Variants in CCSER2 observed in about 807,000 individuals in gnomAD.
CCSER2 encodes coiled-coil serine rich protein 2.
In CCSER2, 46 loss-of-function variants were observed where a neutral mutation model predicts 92.3. The ratio of observed to expected loss-of-function variants is 0.50; its 90% CI spans 0.39 to 0.64. The LOEUF (loss-of-function observed/expected upper bound fraction) is 0.64, where lower values mean the gene tolerates loss of function less well. Ranked by LOEUF, CCSER2 falls within the 30% of genes least tolerant of loss-of-function variation. The pLI, the probability that CCSER2 is intolerant of heterozygous loss-of-function variation, is 0.00. For synonymous variants in CCSER2, 433 were observed against 431.4 expected, an observed-to-expected ratio of 1.00 and a Z score of -0.04; for missense variants, 1,244 against 1,238.9, an observed-to-expected ratio of 1.00 and a Z score of -0.06.
At chr10:84,463,560 A>G (rs1474871534) in intron 6 of CCSER2, among the ~76,000 whole-genome samples, 1 of 152,218 alleles carries the variant, frequency 6.6e-6, no homozygotes, top group Non-Finnish European at 1.5e-5. Flanking sequence ...CTTGGTACTC[A>G]AAACATGTCT....
intron 6 of CCSER2, among the ~76,000 whole-genome samples, chr10:84,445,370 A>G (rs1047058374): frequency 3.9e-5 from 6 of 152,026 alleles, no homozygotes; most frequent in African/African-American, 1.2e-4. Flanking sequence ...AGCCAGGATG[A>G]CCTCGATCTC....
intron 3 of CCSER2, among the ~76,000 whole-genome samples, chr10:84,412,992 T>C (rs2133370936): frequency 6.6e-6 from 1 of 152,298 alleles, no homozygotes; most frequent in African/African-American, 2.4e-5. Context: ...GTGGTGATAT[T>C]CCCCTTATCA....
rs143985533 is a variant in CCSER2, at chr10:84,459,725, T to C, written c.2065-4208T>C. 3.3e-4 allele frequency among the ~76,000 whole-genome samples: 50 copies of C among 152,228 alleles called. No homozygotes were observed. In the East Asian group the frequency reaches 8.3e-3, roughly 25 times the overall value. ...TTTTGGTAGAGACAGAGTTTTAGCATGCTGCCCAGAATGGTCTTGAACTCT... is the reference window on the plus strand; with the variant it reads ...TTTTGGTAGAGACAGAGTTTTAGCACGCTGCCCAGAATGGTCTTGAACTCT... On this transcript the variant is annotated intron_variant, in intron 6 of 9. Transcript: ENST00000372088.
chr10:84,391,092 A>C (rs1488561461), intron 3 of CCSER2: 14 of 780,498 alleles, frequency 1.8e-5, no homozygotes, highest in Non-Finnish European at 3.1e-5. Context: ...TAATGCCTCC[A>C]CTGACCCAGA....
At position 84,441,340 on chromosome 10, in the gene CCSER2, T is replaced by C. The variant is rs184509576; in HGVS notation, c.2064+2633T>C. Among the ~76,000 whole-genome samples the C allele has an allele frequency of 5.3e-5, 8 of 152,314 alleles. No individual in the cohort carries two copies. The East Asian group carries it at 1.5e-3, about 29-fold the overall frequency. ...TCATATTTTCAATTTCCAAGAACTTTTGTGTGTACTATTCCTTATTCATAT... is the reference window on the plus strand; with the variant it reads ...TCATATTTTCAATTTCCAAGAACTTCTGTGTGTACTATTCCTTATTCATAT... On this transcript the variant is annotated intron_variant, in intron 6 of 9. Transcript: ENST00000372088.
intron 5 of CCSER2, among the ~76,000 whole-genome samples, chr10:84,426,555 G>T (rs1008400406): frequency 2.0e-5 from 3 of 152,282 alleles, no homozygotes; most frequent in Admixed American, 6.5e-5. Context: ...GAGAATCAGG[G>T]ATAAAAGTGC....
At chr10:84,475,438 C>T (rs933862657) in intron 8 of CCSER2, among the ~76,000 whole-genome samples, 7 of 152,164 alleles carry the variant, frequency 4.6e-5, no homozygotes, top group Non-Finnish European at 7.4e-5. Flanking sequence ...TATTATTTTT[C>T]ATGTGTGAGC....
At chr10:84,347,210 T>C (rs1268876328) in intron 1 of CCSER2, among the ~76,000 whole-genome samples, 1 of 152,218 alleles carries the variant, frequency 6.6e-6, no homozygotes, top group Non-Finnish European at 1.5e-5. Flanking sequence ...CAATCTGATT[T>C]CTCTAACTTT....
intron 6 of CCSER2, among the ~76,000 whole-genome samples, chr10:84,463,588 G>C (rs1260381815): frequency 6.6e-6 from 1 of 152,128 alleles, no homozygotes; most frequent in Non-Finnish European, 1.5e-5. Context: ...AGCAGATTCA[G>C]TTGACCTTTG....
At chr10:84,339,998 C>T (rs1209740062) in intron 1 of CCSER2, among the ~76,000 whole-genome samples, 6 of 152,058 alleles carry the variant, frequency 3.9e-5, no homozygotes, top group African/African-American at 1.2e-4. Context: ...CATGCCACCA[C>T]GCCCGGCTAA....
intron 1 of CCSER2, among the ~76,000 whole-genome samples, chr10:84,365,747 G>A (rs1051355879): frequency 5.9e-5 from 9 of 152,142 alleles, no homozygotes; most frequent in Non-Finnish European, 1.2e-4. Context: ...GGAAAATAGA[G>A]GCATAGAGAA....
chr10:84,369,906 C>T (rs902399370), intron 1 of CCSER2, among the ~76,000 whole-genome samples: 27 of 151,970 alleles, frequency 1.8e-4, no homozygotes, highest in African/African-American at 5.6e-4. Context: ...TTGAATAAGG[C>T]GTTCTTTTCC....
chr10:84,484,498 T>TGTGTGC (rs1181601057), intron 9 of CCSER2, among the ~76,000 whole-genome samples: 1 of 134,618 alleles, frequency 7.4e-6, no homozygotes, highest in Non-Finnish European at 1.7e-5. Flanking sequence ...CACGTGTGTG[T>TGTGTGC]GTGTGTGTGT....
chr10:84,373,570 C>T (rs781715667), intron 2 of CCSER2, 49 bp from the exon 3 acceptor site: 116 of 1,407,276 alleles, frequency 8.2e-5, no homozygotes, highest in Non-Finnish European at 1.1e-4. Context: ...TTTTAGGACA[C>T]GAGAAACAAT....
Position 84,372,392 on chromosome 10 carries a change from A to G in CCSER2, c.1340A>G (p.Gln447Arg), listed in dbSNP as rs140960423. The G allele has an allele frequency of 9.1e-5, 146 of 1,608,040 alleles. No individual in the cohort carries two copies. The highest frequency in any genetic ancestry group is 1.2e-4 in the Non-Finnish European group (137 of 1,178,388). Residue 447 changes from glutamine (Q) to arginine (R), a missense_variant, in exon 2 of 10, where the codon CAG (glutamine) becomes CGG (arginine). Gln to Arg is a conservative substitution (Grantham distance 43). Transcript: ENST00000372088. Reference sequence around the variant, plus strand: ...GAGAAACATGAAAATGGGCCACCACAGGATATGTTTGATTCCCCCAAGGAA... The same window carrying G: ...GAGAAACATGAAAATGGGCCACCACGGGATATGTTTGATTCCCCCAAGGAA... ...KEEKHENGPP[Q>R]DMFDSPKENE...
chr10:84,477,444 A>T, intron 8 of CCSER2, 131 bp from the exon 9 acceptor site: 1 of 526,370 alleles, frequency 1.9e-6, no homozygotes, highest in East Asian at 3.2e-5. Flanking sequence ...ATGGCTGTTA[A>T]TTTTTTTTAT....
intron 3 of CCSER2, among the ~76,000 whole-genome samples, chr10:84,382,443 C>G (rs1840965586): frequency 1.3e-5 from 2 of 152,134 alleles, no homozygotes; most frequent in South Asian, 4.1e-4. Context: ...TGATATTTAA[C>G]TTTCTTGATT....
chr10:84,495,752 T>C (rs1316468557), intron 9 of CCSER2, among the ~76,000 whole-genome samples: 1 of 149,904 alleles, frequency 6.7e-6, no homozygotes, highest in Non-Finnish European at 1.5e-5. Flanking sequence ...TTGATAATAA[T>C]ATAAGCACAT....
At chr10:84,467,327 A>G (rs1846503664) in intron 7 of CCSER2, among the ~76,000 whole-genome samples, 1 of 152,174 alleles carries the variant, frequency 6.6e-6, no homozygotes, top group Non-Finnish European at 1.5e-5. Flanking sequence ...AATTTCAAAT[A>G]TGACATATAT....
Sources: gnomAD v4.1 joint callset for allele counts (sites outside exome capture counted in the v4.1 genomes callset) on GRCh38, gnomAD v4.1.1 for gene constraint, MANE v1.5 for transcripts, NCBI Gene and HGNC (gene_info 2026-07-23, HGNC 2026-07-21) for gene names.